SCOC: variants seen among roughly 807,000 people sequenced by gnomAD.
SCOC encodes short coiled coil protein.
Under a neutral mutation model 9.9 loss-of-function variants are expected in SCOC, and 7 were observed. The ratio of observed to expected loss-of-function variants is 0.71; its 90% CI spans 0.40 to 1.33. The LOEUF (loss-of-function observed/expected upper bound fraction) is 1.33. SCOC is among the 40% of genes most tolerant of loss of function. The pLI is 0.01. For missense variants in SCOC, 66 were observed against 89.7 expected (o/e 0.74, Z 1.07); for synonymous variants, 19 against 28.2 (o/e 0.67, Z 1.03).
At chr4:140,335,935 A>G (rs1297074313) in intron 1 of SCOC, among the ~76,000 whole-genome samples, 1 of 152,114 alleles carries the variant, frequency 6.6e-6, no homozygotes, top group African/African-American at 2.4e-5. Flanking sequence ...TTTATTATAT[A>G]TTCATATTGA....
At chr4:140,373,583 G>A, upstream of SCOC, 1 of 1,551,742 alleles carries the variant, frequency 6.4e-7, no homozygotes, top group Non-Finnish European at 8.7e-7. Flanking sequence ...GCGAGCGGCT[G>A]GGACGGGATG....
rs1014189731 is a variant in SCOC at position 140,267,597 on chromosome 4, C to T, written c.-19+10187C>T. Reference sequence around the variant, plus strand: ...GGAGGTAGAGAGGGAGAAACGAGGCCTTCTCCCCTCCTTCCCAGCCGCGCA... The same window carrying T: ...GGAGGTAGAGAGGGAGAAACGAGGCTTTCTCCCCTCCTTCCCAGCCGCGCA... On this transcript the variant is annotated intron_variant, in intron 1 of 4. Coordinates refer to the SCOC transcript ENST00000394205. 6.6e-5 allele frequency among the ~76,000 whole-genome samples: 10 copies of T among 152,192 alleles called. No homozygotes were observed. The East Asian group carries it at 1.7e-3, about 27-fold the overall frequency.
intron 1 of SCOC, among the ~76,000 whole-genome samples, chr4:140,286,204 T>C (rs957944957): frequency 6.6e-6 from 1 of 150,844 alleles, no homozygotes; most frequent in African/African-American, 2.4e-5. Context: ...AAAAAAAGAA[T>C]GCTTACCTTG....
chr4:140,379,043 A>G (rs924165238), intron 1 of SCOC, 78 bp from the exon 2 acceptor site: 3 of 904,920 alleles, frequency 3.3e-6, no homozygotes, highest in Non-Finnish European at 5.5e-6. Flanking sequence ...CATAGTTAAC[A>G]AAATCATCCT....
intron 2 of SCOC, among the ~76,000 whole-genome samples, chr4:140,355,772 G>C (rs375773512): frequency 6.6e-6 from 1 of 152,144 alleles, no homozygotes; most frequent in African/African-American, 2.4e-5. Flanking sequence ...TCTATGTTGC[G>C]ATTACAACCA....
chr4:140,301,285 C>T (rs1158370840), intron 1 of SCOC, among the ~76,000 whole-genome samples: 1 of 152,100 alleles, frequency 6.6e-6, no homozygotes, highest in African/African-American at 2.4e-5. Context: ...TTTTCTGTTC[C>T]GGGGTCTTTC....
At chr4:140,308,367 CAG>C (rs755305542) in intron 1 of SCOC, among the ~76,000 whole-genome samples, 1 of 152,164 alleles carries the variant, frequency 6.6e-6, no homozygotes, top group Non-Finnish European at 1.5e-5. Context: ...GATGCTTTCA[CAG>C]AGCCTGGGAG....
intron 1 of SCOC, among the ~76,000 whole-genome samples, chr4:140,287,536 CTA>C (rs1250396884): frequency 1.3e-5 from 2 of 150,798 alleles, no homozygotes; most frequent in South Asian, 2.1e-4. Flanking sequence ...TGTACACACA[CTA>C]CACACACATC....
intron 2 of SCOC, among the ~76,000 whole-genome samples, chr4:140,344,466 A>G (rs1445111899): frequency 6.6e-6 from 1 of 152,172 alleles, no homozygotes; most frequent in East Asian, 1.9e-4. Context: ...AATATTTAAC[A>G]TCAATTGCTC....
intron 1 of SCOC, among the ~76,000 whole-genome samples, chr4:140,286,379 A>G (rs944166822): frequency 3.3e-5 from 5 of 152,042 alleles, no homozygotes; most frequent in Admixed American, 6.5e-5. Context: ...AAAACACAAA[A>G]AACAAAAAAC....
At chr4:140,322,237 T>C (rs1490157976) in intron 1 of SCOC, among the ~76,000 whole-genome samples, 4 of 152,202 alleles carry the variant, frequency 2.6e-5, no homozygotes, top group African/African-American at 9.7e-5. Flanking sequence ...ACTTTGTAAC[T>C]GGGTGATGGG....
chr4:140,366,816 G>C (rs551970572), intron 2 of SCOC: 18 of 1,054,384 alleles, frequency 1.7e-5, no homozygotes, highest in African/African-American at 1.1e-4. Flanking sequence ...GTCCAGAGGG[G>C]ATGTAGCCCA....
chr4:140,338,828 T>C (rs1726380286), upstream of SCOC, among the ~76,000 whole-genome samples: 1 of 152,224 alleles, frequency 6.6e-6, no homozygotes, highest in South Asian at 2.1e-4. Context: ...GAACATTCCA[T>C]GCTCATGCGT....
At chr4:140,295,389 C>T (rs532022156) in intron 1 of SCOC, among the ~76,000 whole-genome samples, 4 of 152,324 alleles carry the variant, frequency 2.6e-5, no homozygotes, top group African/African-American at 9.6e-5. Flanking sequence ...TGAATGTGAC[C>T]TCTGCCATAC....
chr4:140,340,066 G>A (rs1726445269), upstream of SCOC, among the ~76,000 whole-genome samples: 1 of 152,190 alleles, frequency 6.6e-6, no homozygotes, highest in African/African-American at 2.4e-5. Flanking sequence ...GTCCAACAAT[G>A]ATAGACTGGA....
intron 1 of SCOC, among the ~76,000 whole-genome samples, chr4:140,265,543 C>T (rs72937761): frequency 6.6e-6 from 1 of 152,168 alleles, no homozygotes; most frequent in Non-Finnish European, 1.5e-5. Flanking sequence ...AAAAGGGAAA[C>T]TGACTTACAG....
At chr4:140,379,275 C>T in intron 2 of SCOC, 83 bp downstream of exon 2, 1 of 950,614 alleles carries the variant, frequency 1.1e-6, no homozygotes, top group East Asian at 2.4e-5. Flanking sequence ...GGCAGAGAAA[C>T]CATGTTTAGA....
upstream of SCOC, chr4:140,373,637 G>A (rs1728165818): frequency 6.4e-7 from 1 of 1,551,642 alleles, no homozygotes. Context: ...AGTGGGCGGA[G>A]CTGCCGGGGT....
At position 140,303,955 on chromosome 4, in the gene SCOC, T is replaced by C. The variant is rs77572038; in HGVS notation, c.-18-39666T>C. 7.9e-5 allele frequency among the ~76,000 whole-genome samples: 12 copies of C among 152,324 alleles called. No individual in the cohort carries two copies. In the East Asian group the frequency reaches 2.3e-3, roughly 29 times the overall value. ...ATTCAACAAATTCTAATGGAAAGTT[T>C]ATTATTGTGCTGTGCTAGCCTCTTT... On this transcript the variant is annotated intron_variant, in intron 1 of 4. Coordinates refer to the SCOC transcript ENST00000394205.
Sources: gnomAD v4.1 joint callset for allele counts (sites outside exome capture counted in the v4.1 genomes callset) on GRCh38, gnomAD v4.1.1 for gene constraint, MANE v1.5 for transcripts, NCBI Gene and HGNC (gene_info 2026-07-23, HGNC 2026-07-21) for gene names.